PAGE2B: variants seen among roughly 807,000 people sequenced by gnomAD.
PAGE2B encodes PAGE family member 2B, also known as putative G antigen family E member 3.
PAGE2B carries 5 observed loss-of-function variants against 7.6 expected under a neutral mutation model. The observed-to-expected ratio is 0.66, with a 90% confidence interval of 0.34 to 1.38. The LOEUF (loss-of-function observed/expected upper bound fraction) is 1.38, where lower values mean the gene tolerates loss of function less well. PAGE2B is among the 40% of genes most tolerant of loss of function. The pLI is 0.04. For synonymous variants in PAGE2B, 29 were observed against 26.7 expected (o/e 1.09, Z -0.27); for missense variants, 70 against 78.4 (o/e 0.89, Z 0.41).
the PAGE2B span, among the ~76,000 whole-genome samples, chrX:55,051,856 C>T: frequency 8.9e-6 from 1 of 112,280 alleles, no homozygotes; most frequent in Non-Finnish European, 1.9e-5. Context: ...TGGTGATGAG[C>T]TGCGTTCCTT....
the PAGE2B span, among the ~76,000 whole-genome samples, chrX:55,036,339 T>G: frequency 9.0e-6 from 1 of 111,047 alleles, no homozygotes; most frequent in East Asian, 2.8e-4. Flanking sequence ...AACACTATGT[T>G]GAATAGGAGT....
the PAGE2B span, among the ~76,000 whole-genome samples, chrX:55,062,598 A>G: frequency 2.0e-4 from 22 of 111,122 alleles, no homozygotes; most frequent in Admixed American, 2.1e-3. Context: ...AAGCTTTTAA[A>G]CTTGATGTAA....
At chrX:55,045,939 A>T in the PAGE2B span, among the ~76,000 whole-genome samples, 12 of 111,402 alleles carry the variant, frequency 1.1e-4, no homozygotes, top group East Asian at 3.4e-3. Flanking sequence ...GTCAAATAAC[A>T]TAAGAAGTCT....
chrX:55,057,288 G>T, the PAGE2B span, among the ~76,000 whole-genome samples: 1 of 111,887 alleles, frequency 8.9e-6, no homozygotes, highest in Non-Finnish European at 1.9e-5. Context: ...AGCTGAGTAT[G>T]CTTGATTCAC....
In PAGE2B at chrX:55,076,090, G is replaced by A. The variant is rs1230699919; in HGVS notation, c.49G>A (p.Asp17Asn). 1 of 1,209,899 alleles carries A rather than the reference G, an allele frequency of 8.3e-7. No homozygotes were observed. Among genetic ancestry groups the A allele is most frequent in the Non-Finnish European group, 1.1e-6 (1 of 894,110 alleles). The change falls in exon 2 of 5, where the codon GAC becomes AAC. Residue 17 changes from aspartate to asparagine, a missense_variant. Coordinates refer to ENST00000374971, the MANE Select transcript of PAGE2B (RefSeq NM_001015038.3). Reference sequence around the variant, plus strand: ...ATCCCAATCCTCAGAAAGAGGAAATGACCAAGAGTCTTCCCAGCCAGTTGG... The same window carrying A: ...ATCCCAATCCTCAGAAAGAGGAAATAACCAAGAGTCTTCCCAGCCAGTTGG... Reference protein sequence around the residue: ...TRSQSSERGNDQESSQPVGSV... With the variant: ...TRSQSSERGNNQESSQPVGSV...
At chrX:55,075,693 C>G (rs1936502778) in intron 1 of PAGE2B, among the ~76,000 whole-genome samples, 1 of 111,591 alleles carries the variant, frequency 9.0e-6, no homozygotes, top group Admixed American at 9.5e-5. Flanking sequence ...CCTAGCAAAT[C>G]AGAGTGGGAC....
chrX:55,052,058 GT>G, the PAGE2B span, among the ~76,000 whole-genome samples: 1 of 112,216 alleles, frequency 8.9e-6, no homozygotes, highest in South Asian at 3.7e-4. Context: ...GTCTTTTGGA[GT>G]TTACTGGAGG....
chrX:55,069,890 C>T, the PAGE2B span, among the ~76,000 whole-genome samples: 1 of 111,538 alleles, frequency 9.0e-6, no homozygotes, highest in Non-Finnish European at 1.9e-5. Flanking sequence ...GTGGTGATAT[C>T]CCCTTTGTCA....
chrX:55,035,976 T>G, the PAGE2B span, among the ~76,000 whole-genome samples: 1 of 111,818 alleles, frequency 8.9e-6, no homozygotes, highest in African/African-American at 3.3e-5. Flanking sequence ...TTTATTTCCT[T>G]GAGCAGTGGT....
At chrX:55,065,084 T>A in the PAGE2B span, among the ~76,000 whole-genome samples, 1 of 111,998 alleles carries the variant, frequency 8.9e-6, no homozygotes, top group Non-Finnish European at 1.9e-5. Context: ...TAGTGCAGAT[T>A]AAAGCTGATG....
the PAGE2B span, among the ~76,000 whole-genome samples, chrX:55,065,872 T>C: frequency 8.9e-6 from 1 of 112,038 alleles, no homozygotes; most frequent in Admixed American, 9.5e-5. Flanking sequence ...CCCATCACTT[T>C]GTAACTCTTT....
the PAGE2B span, among the ~76,000 whole-genome samples, chrX:55,061,121 A>T: frequency 0.07 from 7,726 of 111,074 alleles, 614 homozygotes; most frequent in African/African-American, 0.23. Context: ...TGGGCTCCAA[A>T]TATTCTATAA....
At chrX:55,076,376 A>G (rs1254671717) in intron 2 of PAGE2B, among the ~76,000 whole-genome samples, 193 bp from the exon 3 acceptor site, 1 of 105,101 alleles carries the variant, frequency 9.5e-6, no homozygotes. Context: ...GTATATATGT[A>G]TGTATGTATG....
chrX:55,068,431 T>A, the PAGE2B span, among the ~76,000 whole-genome samples: 1 of 111,719 alleles, frequency 9.0e-6, no homozygotes, highest in South Asian at 3.7e-4. Flanking sequence ...ATGCTGTTTT[T>A]GTTACTGTAC....
At chrX:55,038,947 G>A in the PAGE2B span, among the ~76,000 whole-genome samples, 1 of 111,415 alleles carries the variant, frequency 9.0e-6, no homozygotes, top group Non-Finnish European at 1.9e-5. Flanking sequence ...CAGACCAGGT[G>A]TTCTTCAGTA....
the PAGE2B span, among the ~76,000 whole-genome samples, chrX:55,057,883 T>C: frequency 8.9e-6 from 1 of 112,033 alleles, no homozygotes; most frequent in East Asian, 2.8e-4. Context: ...TTGACAGTTG[T>C]AGCCAGTTAT....
the PAGE2B span, among the ~76,000 whole-genome samples, chrX:55,042,545 T>G: frequency 1.0e-5 from 1 of 99,828 alleles, no homozygotes; most frequent in Non-Finnish European, 2.0e-5. Flanking sequence ...TCCCAGCTAC[T>G]TGGGAGGCTG....
At chrX:55,052,649 C>A in the PAGE2B span, among the ~76,000 whole-genome samples, 1 of 112,864 alleles carries the variant, frequency 8.9e-6, no homozygotes, top group Non-Finnish European at 1.9e-5. Context: ...TTTGTTAAGC[C>A]CGTTGGAAAA....
the PAGE2B span, among the ~76,000 whole-genome samples, chrX:55,063,702 T>C: frequency 9.0e-6 from 1 of 111,475 alleles, no homozygotes; most frequent in Admixed American, 9.6e-5. Context: ...CTGTTGTATA[T>C]AGTTTTATTA....
Sources: allele counts gnomAD v4.1 joint callset (sites outside exome capture counted in the v4.1 genomes callset), GRCh38; gene constraint gnomAD v4.1.1; transcripts MANE v1.5; gene names NCBI Gene and HGNC (gene_info 2026-07-23, HGNC 2026-07-21).